Variants in DTWD2 observed in about 807,000 individuals in gnomAD.
DTWD2 encodes DTW motif tRNA-uridine aminocarboxypropyltransferase 2.
Under a neutral mutation model 31.8 loss-of-function variants are expected in DTWD2, and 39 were observed. The ratio of observed to expected loss-of-function variants is 1.22; its 90% CI spans 0.95 to 1.60. The LOEUF (loss-of-function observed/expected upper bound fraction) is 1.60, where lower values mean the gene tolerates loss of function less well. Among genes scored for constraint, DTWD2 ranks in the 40% most tolerant of loss-of-function variants. The pLI, the probability that DTWD2 is intolerant of heterozygous loss-of-function variation, is 0.00. For missense variants in DTWD2, 515 were observed against 381.5 expected, an observed-to-expected ratio of 1.35 and a Z score of -2.92; for synonymous variants, 180 against 142.8, an observed-to-expected ratio of 1.26 and a Z score of -1.86.
chr5:118,880,112 G>A (rs995147889), intron 4 of DTWD2, among the ~76,000 whole-genome samples: 1 of 152,156 alleles, frequency 6.6e-6, no homozygotes, highest in Non-Finnish European at 1.5e-5. Flanking sequence ...TTTTAAAGTT[G>A]CACTAGTGCT....
intron 1 of DTWD2, among the ~76,000 whole-genome samples, chr5:118,981,458 C>A (rs950347314): frequency 2.0e-5 from 3 of 152,064 alleles, no homozygotes; most frequent in African/African-American, 7.2e-5. Context: ...CTACCCTTTG[C>A]AAGGTCAACA....
intron 3 of DTWD2, among the ~76,000 whole-genome samples, chr5:118,931,410 A>AAG (rs1465932376): frequency 6.6e-6 from 1 of 151,852 alleles, no homozygotes; most frequent in African/African-American, 2.4e-5. Context: ...AAAAAAAAAA[A>AAG]AAAAAAAAAG....
intron 2 of DTWD2, among the ~76,000 whole-genome samples, chr5:118,943,763 T>A (rs1441752732): frequency 6.6e-6 from 1 of 152,088 alleles, no homozygotes; most frequent in East Asian, 1.9e-4. Flanking sequence ...AAGTGTTTCA[T>A]CATTTGAAAG....
chr5:118,981,856 A>G (rs1378118475), intron 1 of DTWD2, among the ~76,000 whole-genome samples: 1 of 152,260 alleles, frequency 6.6e-6, no homozygotes, highest in Non-Finnish European at 1.5e-5. Context: ...GTAAAGGAAA[A>G]GAATCTTTAG....
At chr5:118,933,691 C>T (rs2149581293) in intron 3 of DTWD2, among the ~76,000 whole-genome samples, 1 of 152,184 alleles carries the variant, frequency 6.6e-6, no homozygotes, top group Admixed American at 6.5e-5. Context: ...CTATAGCTAG[C>T]ATTATACGTA....
chr5:118,947,040 C>T (rs77423665), intron 1 of DTWD2, among the ~76,000 whole-genome samples: 81 of 152,334 alleles, frequency 5.3e-4, no homozygotes, highest in Non-Finnish European at 7.9e-4. Flanking sequence ...TTGACCCCTT[C>T]CTGAGCATCA....
At chr5:118,867,230 T>C (rs1278192536) in intron 4 of DTWD2, among the ~76,000 whole-genome samples, 5 of 152,240 alleles carry the variant, frequency 3.3e-5, no homozygotes, top group South Asian at 2.1e-4. Flanking sequence ...GAATATATAA[T>C]ATCTTAGTTT....
intron 4 of DTWD2, among the ~76,000 whole-genome samples, chr5:118,851,564 T>C (rs1752006018): frequency 6.6e-6 from 1 of 151,804 alleles, no homozygotes; most frequent in Non-Finnish European, 1.5e-5. Flanking sequence ...AATCGGGAAC[T>C]CCTGATAAGT....
rs1026205041 is a variant in DTWD2 at position 118,836,709 on chromosome 5, A to G, written c.*4208T>C. On this transcript the variant is annotated 3_prime_UTR_variant, in exon 6 of 6. Coordinates refer to ENST00000510708, the MANE Select transcript of DTWD2 (RefSeq NM_173666.4). The stretch of plus-strand genomic sequence containing the variant: ...GAAGTGGAACCTTTGGGGGATGATT[A>G]GGTCATAAGGGTCTCAGAGAGCTAG... 3.9e-5 allele frequency among the ~76,000 whole-genome samples: 6 copies of G among 152,176 alleles called. No homozygotes were observed. Among genetic ancestry groups the G allele is most frequent in the African/African-American group, 1.4e-4 (6 of 41,452 alleles).
intron 1 of DTWD2, among the ~76,000 whole-genome samples, chr5:118,948,201 C>A (rs1449151839): frequency 7.2e-5 from 11 of 152,072 alleles, no homozygotes; most frequent in Admixed American, 7.2e-4. Flanking sequence ...GTGGGCCAGG[C>A]ACGGTGGCTC....
At chr5:118,908,541 G>C (rs1328143829) in intron 4 of DTWD2, among the ~76,000 whole-genome samples, 2 of 151,356 alleles carry the variant, frequency 1.3e-5, no homozygotes, top group Non-Finnish European at 2.9e-5. Flanking sequence ...ATATAGCCTA[G>C]AATAAATAAC....
chr5:118,873,561 T>G (rs1184733718), intron 4 of DTWD2, among the ~76,000 whole-genome samples: 1 of 152,218 alleles, frequency 6.6e-6, no homozygotes, highest in African/African-American at 2.4e-5. Context: ...CTCACTTTGC[T>G]GGTACATGTC....
intron 4 of DTWD2, among the ~76,000 whole-genome samples, chr5:118,852,313 T>A (rs1256748946): frequency 6.6e-6 from 1 of 152,136 alleles, no homozygotes; most frequent in Non-Finnish European, 1.5e-5. Flanking sequence ...CATCACAGAG[T>A]CCTGACGTGA....
In DTWD2 at chr5:118,845,782, C is replaced by G. The variant is rs116124951; in HGVS notation, c.726+2308G>C. 6.4e-3 allele frequency among the ~76,000 whole-genome samples: 973 copies of G among 152,198 alleles called. 19 individuals are homozygous for G. The highest frequency in any genetic ancestry group is 0.022 in the African/African-American group (923 of 41,528). On this transcript the variant is annotated intron_variant, in intron 5 of 5. Transcript: ENST00000510708. Reference sequence around the variant, plus strand: ...ACCATTCTGTTGTCTTAAACTTTGCCTTTTGTTAGATATTACACTCAGAAT... The same window carrying G: ...ACCATTCTGTTGTCTTAAACTTTGCGTTTTGTTAGATATTACACTCAGAAT...
At chr5:118,885,525 G>T (rs1160392579) in intron 4 of DTWD2, among the ~76,000 whole-genome samples, 1 of 151,284 alleles carries the variant, frequency 6.6e-6, no homozygotes, top group African/African-American at 2.4e-5. Context: ...CAGCACTTTG[G>T]GAGGCCGAGG....
chr5:118,912,684 C>A (rs1338613270), intron 4 of DTWD2, among the ~76,000 whole-genome samples: 1 of 152,244 alleles, frequency 6.6e-6, no homozygotes, highest in African/African-American at 2.4e-5. Flanking sequence ...TATTCTCCAT[C>A]TCAGTCCCCT....
intron 5 of DTWD2, among the ~76,000 whole-genome samples, chr5:118,843,924 G>A (rs1167048904): frequency 6.6e-6 from 1 of 152,184 alleles, no homozygotes; most frequent in Non-Finnish European, 1.5e-5. Context: ...TTAATGAAAT[G>A]TGAGTACAAC....
chr5:118,988,088 G>C (rs1580460001), intron 1 of DTWD2: 1 of 728,094 alleles, frequency 1.4e-6, no homozygotes, highest in Non-Finnish European at 2.4e-6. Context: ...ATTGCAGGAA[G>C]TAAGGTTAGA....
chr5:118,940,780 T>A (rs1754161308), intron 2 of DTWD2, among the ~76,000 whole-genome samples: 2 of 152,174 alleles, frequency 1.3e-5, no homozygotes, highest in South Asian at 4.1e-4. Flanking sequence ...GCAGTCTAGC[T>A]CCACAGCCCT....
Sources: allele counts gnomAD v4.1 joint callset (sites outside exome capture counted in the v4.1 genomes callset), GRCh38; gene constraint gnomAD v4.1.1; transcripts MANE v1.5; gene names NCBI Gene and HGNC (gene_info 2026-07-23, HGNC 2026-07-21).